ROBO1: variants seen among roughly 807,000 people sequenced by gnomAD.
ROBO1 encodes the protein roundabout homolog 1.
A neutral mutation model predicts 195.9 loss-of-function variants in ROBO1; 149 were observed. That is an observed-to-expected ratio of 0.76 (90% CI 0.67 to 0.87). The LOEUF (loss-of-function observed/expected upper bound fraction) is 0.87. ROBO1 is among the 40% of genes least tolerant of loss of function. The pLI is 0.00. For synonymous variants in ROBO1, 816 were observed against 733.2 expected, an observed-to-expected ratio of 1.11 and a Z score of -1.82; for missense variants, 1,933 against 2,068.3, an observed-to-expected ratio of 0.93 and a Z score of 1.27.
Position 79,446,998 on chromosome 3 carries a change from A to ATT in ROBO1, c.88+142824_88+142825dup, listed in dbSNP as rs79447547. Among the ~76,000 whole-genome samples, 8 of 143,610 alleles carry ATT rather than the reference A, an allele frequency of 5.6e-5. No homozygotes were observed. The East Asian group carries it at 8.1e-4, about 14-fold the overall frequency. The allele number at this position is 143,610 out of a possible 152,430, so 94.2% of individuals were successfully genotyped here. ...GCCACCATGCCCAGCTAATTTTTGT[A>ATT]TTTTTTTTTTTTAGTAGAGACGGGG... On this transcript the variant is annotated intron_variant, in intron 2 of 30. Transcript: ENST00000464233.
At chr3:79,050,071 A>C (rs990851072) in intron 3 of ROBO1, among the ~76,000 whole-genome samples, 1 of 152,184 alleles carries the variant, frequency 6.6e-6, no homozygotes, top group Non-Finnish European at 1.5e-5. Flanking sequence ...AAATGGGCTA[A>C]GTGTCCCAAT....
chr3:79,674,624 T>C (rs1946727483), intron 1 of ROBO1, among the ~76,000 whole-genome samples: 1 of 151,970 alleles, frequency 6.6e-6, no homozygotes, highest in South Asian at 2.1e-4. Flanking sequence ...ATGAAACCTA[T>C]AATCTTTGCA....
At chr3:78,618,164 A>G in intron 26 of ROBO1, 123 bp from the exon 27 acceptor site, 1 of 1,023,338 alleles carries the variant, frequency 9.8e-7, no homozygotes, top group Non-Finnish European at 1.4e-6. Flanking sequence ...TCATATGTTC[A>G]GAAAAACAAC....
intron 2 of ROBO1, among the ~76,000 whole-genome samples, chr3:79,228,563 C>T (rs1039597894): frequency 1.3e-5 from 2 of 151,960 alleles, no homozygotes; most frequent in African/African-American, 2.4e-5. Flanking sequence ...TTTAAAAAAC[C>T]TGTTTATGTA....
chr3:79,174,641 G>A (rs773116967), intron 2 of ROBO1, among the ~76,000 whole-genome samples: 10 of 151,834 alleles, frequency 6.6e-5, no homozygotes. Flanking sequence ...GATAGCAAAC[G>A]GTGAATACAT....
intron 4 of ROBO1, among the ~76,000 whole-genome samples, chr3:78,748,225 T>C (rs1300672819): frequency 2.6e-5 from 4 of 152,070 alleles, no homozygotes; most frequent in Non-Finnish European, 5.9e-5. Context: ...GAGGGCGGAT[T>C]ACCTGAGGTC....
intron 2 of ROBO1, among the ~76,000 whole-genome samples, chr3:79,446,488 GC>G (rs2039260637): frequency 6.6e-6 from 1 of 152,118 alleles, no homozygotes; most frequent in South Asian, 2.1e-4. Context: ...AGATCATGCT[GC>G]AATTAGTGTT....
intron 4 of ROBO1, among the ~76,000 whole-genome samples, chr3:78,836,929 A>G (rs1190183295): frequency 1.3e-5 from 2 of 152,208 alleles, no homozygotes; most frequent in African/African-American, 4.8e-5. Context: ...ACACAAAAAG[A>G]GGTCATTATC....
In ROBO1 at chr3:79,285,922, G is replaced by A. The variant is rs148905197; in HGVS notation, c.89-160383C>T. ...GCAATGAAAAAAAGACAAGGTGAAG[G>A]AAAAATGAGACACAATAACAAAGTA... On this transcript the variant is annotated intron_variant, in intron 2 of 30. Coordinates refer to ENST00000464233, the MANE Select transcript of ROBO1 (RefSeq NM_002941.4). Among the ~76,000 whole-genome samples the A allele has an allele frequency of 4.7e-3, 718 of 152,116 alleles. 4 individuals carry two copies. Among genetic ancestry groups the A allele is most frequent in the Non-Finnish European group, 7.3e-3 (494 of 67,966 alleles).
At chr3:79,021,573 C>A (rs781097876) in intron 3 of ROBO1, among the ~76,000 whole-genome samples, 3 of 151,530 alleles carry the variant, frequency 2.0e-5, no homozygotes, top group South Asian at 4.2e-4. Context: ...TCATTGAATG[C>A]AAACCATATT....
In ROBO1 at chr3:78,968,831, A is replaced by T. The variant is rs1392392280; in HGVS notation, c.173-29904T>A. Reference sequence around the variant, plus strand: ...ACCAGTAAATTTTGTATTACATTTCATTACTGGTAAGGTTAAAAGATGAAT... The same window carrying T: ...ACCAGTAAATTTTGTATTACATTTCTTTACTGGTAAGGTTAAAAGATGAAT... On this transcript the variant is annotated intron_variant, in intron 3 of 30. Coordinates refer to ENST00000464233, the MANE Select transcript of ROBO1 (RefSeq NM_002941.4). Among the ~76,000 whole-genome samples the T allele has an allele frequency of 2.0e-5, 3 of 152,342 alleles. No individual in the cohort carries two copies. In the South Asian group the frequency reaches 6.2e-4, roughly 32 times the overall value.
In ROBO1 at chr3:79,294,580, A is replaced by G. The variant is rs181260978; in HGVS notation, c.89-169041T>C. Among the ~76,000 whole-genome samples, 397 of 152,326 alleles carry G rather than the reference A, an allele frequency of 2.6e-3. 5 individuals carry two copies. Among genetic ancestry groups the G allele is most frequent in the African/African-American group, 8.0e-3 (332 of 41,568 alleles). On this transcript the variant is annotated intron_variant, in intron 2 of 30. Transcript: ENST00000464233. The stretch of plus-strand genomic sequence containing the variant: ...TAAAAGACCAAAAGCAATGGTAACA[A>G]AAGCCAAAATTGACAAATGGGATCT...
chr3:79,171,237 G>A (rs566249278), intron 2 of ROBO1, among the ~76,000 whole-genome samples: 10 of 150,400 alleles, frequency 6.6e-5, no homozygotes, highest in African/African-American at 1.2e-4. Context: ...TAACAATTTT[G>A]TAATTGTTTT....
At chr3:79,766,489 C>A (rs1426257131) in intron 1 of ROBO1, among the ~76,000 whole-genome samples, 1 of 151,732 alleles carries the variant, frequency 6.6e-6, no homozygotes, top group African/African-American at 2.4e-5. Context: ...AGGATTTTAG[C>A]GGCCAGGTGT....
intron 3 of ROBO1, among the ~76,000 whole-genome samples, chr3:78,949,061 A>G (rs1164314297): frequency 1.4e-5 from 2 of 145,336 alleles, no homozygotes; most frequent in African/African-American, 2.6e-5. Context: ...GGAAGAATCA[A>G]TATCGTGAAA....
chr3:78,702,693 G>A (rs762573793), intron 8 of ROBO1, among the ~76,000 whole-genome samples: 4 of 152,168 alleles, frequency 2.6e-5, no homozygotes, highest in African/African-American at 4.8e-5. Flanking sequence ...CCACATTGAT[G>A]CCATTATTTC....
chr3:79,107,251 G>T (rs754015760), intron 3 of ROBO1, among the ~76,000 whole-genome samples: 2 of 151,436 alleles, frequency 1.3e-5, no homozygotes, highest in Non-Finnish European at 3.0e-5. Context: ...GCTACGCAAA[G>T]AGTGTTCAGG....
intron 4 of ROBO1, among the ~76,000 whole-genome samples, chr3:78,772,628 TA>T (rs2083404780): frequency 1.3e-5 from 2 of 152,120 alleles, no homozygotes; most frequent in Non-Finnish European, 2.9e-5. Context: ...AATATCATCC[TA>T]TTTTTTTCTT....
chr3:79,085,186 C>T (rs2079345281), intron 3 of ROBO1, among the ~76,000 whole-genome samples: 1 of 151,984 alleles, frequency 6.6e-6, no homozygotes, highest in East Asian at 1.9e-4. Context: ...ATTCAATATC[C>T]TATTAGTTGT....
Sources: allele counts gnomAD v4.1 joint callset (sites outside exome capture counted in the v4.1 genomes callset), GRCh38; gene constraint gnomAD v4.1.1; transcripts MANE v1.5; gene names NCBI Gene and HGNC (gene_info 2026-07-23, HGNC 2026-07-21).